FER1L6: variants seen among roughly 807,000 people sequenced by gnomAD.
FER1L6 encodes the protein fer-1 like family member 6, also known as fer-1-like protein 6.
A neutral mutation model predicts 219.2 loss-of-function variants in FER1L6; 177 were observed. That is an observed-to-expected ratio of 0.81 (90% confidence interval 0.71 to 0.91). The LOEUF (loss-of-function observed/expected upper bound fraction) is 0.91. Among genes scored for constraint, FER1L6 ranks in the 40% least tolerant of loss-of-function variants. The pLI is 0.00. For synonymous variants in FER1L6, 768 were observed against 824.3 expected (o/e 0.93, Z 1.17); for missense variants, 2,153 against 2,259.9 (o/e 0.95, Z 0.96).
chr8:123,900,002 T>C (rs961261779), intron 1 of FER1L6, among the ~76,000 whole-genome samples: 5 of 152,156 alleles, frequency 3.3e-5, no homozygotes, highest in Admixed American at 1.3e-4. Flanking sequence ...TCCATATGAA[T>C]TTTAGAATTG....
At chr8:124,101,944 G>T (rs974521692) in intron 38 of FER1L6, among the ~76,000 whole-genome samples, 1 of 152,144 alleles carries the variant, frequency 6.6e-6, no homozygotes, top group East Asian at 1.9e-4. Context: ...CAGTTCGTAG[G>T]CAGATTCAAA....
chr8:123,899,520 G>A (rs1812821213), intron 1 of FER1L6, among the ~76,000 whole-genome samples: 1 of 152,070 alleles, frequency 6.6e-6, no homozygotes, highest in African/African-American at 2.4e-5. Context: ...AATTTATTAG[G>A]TCTCAGCTAT....
At chr8:124,035,171 G>C in intron 18 of FER1L6, 106 bp from the exon 19 acceptor site, 1 of 1,231,602 alleles carries the variant, frequency 8.1e-7, no homozygotes, top group Non-Finnish European at 1.1e-6. Flanking sequence ...ACTGCTCTCT[G>C]AACATACTTC....
chr8:123,872,299 C>T (rs1816936785), intron 1 of FER1L6, among the ~76,000 whole-genome samples: 1 of 152,118 alleles, frequency 6.6e-6, no homozygotes, highest in African/African-American at 2.4e-5. Flanking sequence ...GACAAGTATC[C>T]AAACTATATC....
In FER1L6 at chr8:123,876,470, C is replaced by T. The variant is rs1385211200; in HGVS notation, c.-8+24285C>T. On this transcript the variant is annotated intron_variant, in intron 1 of 40. Coordinates refer to ENST00000522917, the MANE Select transcript of FER1L6 (RefSeq NM_001039112.2). ...AGTAGCCGGAACTACAGGCATGTGC[C>T]ACCACACTTGGCTACATTTTTTTTG... 3.3e-5 allele frequency among the ~76,000 whole-genome samples: 5 copies of T among 150,998 alleles called. No individual in the cohort carries two copies. In the East Asian group the frequency reaches 9.7e-4, roughly 29 times the overall value.
intron 1 of FER1L6, among the ~76,000 whole-genome samples, chr8:123,903,125 G>A (rs992359386): frequency 2.0e-5 from 3 of 152,052 alleles, no homozygotes; most frequent in Non-Finnish European, 2.9e-5. Context: ...CAATTTTAAT[G>A]TTTAACCCAT....
Position 124,039,941 on chromosome 8 carries a change from G to C in FER1L6, c.2524G>C (p.Asp842His). 1 of 1,614,116 alleles carries C rather than the reference G, an allele frequency of 6.2e-7. No individual in the cohort carries two copies. Among genetic ancestry groups the C allele is most frequent in the South Asian group, 1.1e-5 (1 of 91,088 alleles). ...CCAAGCCCGGGGCCTCATCGCAGCT[G>C]ACAGCAATGGACTTTCAGACCCTTT... ...MYQARGLIAA[D>H]SNGLSDPFAK... Residue 842 changes from aspartate (D) to histidine (H), a missense_variant, in exon 20 of 41, where the codon GAC (aspartate) becomes CAC (histidine). Coordinates refer to ENST00000522917, the MANE Select transcript of FER1L6 (RefSeq NM_001039112.2).
At chr8:124,112,176 A>C (rs1323093254) in intron 39 of FER1L6, among the ~76,000 whole-genome samples, 1 of 151,516 alleles carries the variant, frequency 6.6e-6, no homozygotes, top group Admixed American at 6.6e-5. Context: ...CTCCGTGTGC[A>C]CTCTCCTCCC....
intron 26 of FER1L6, among the ~76,000 whole-genome samples, chr8:124,065,366 A>C (rs1467489161): frequency 7.2e-6 from 1 of 138,722 alleles, no homozygotes; most frequent in African/African-American, 2.7e-5. Flanking sequence ...ATGCTACTGC[A>C]TTCCAGTCTG....
At chr8:123,863,891 G>T (rs1244543241) in intron 1 of FER1L6, among the ~76,000 whole-genome samples, 3 of 151,104 alleles carry the variant, frequency 2.0e-5, no homozygotes, top group Non-Finnish European at 4.4e-5. Context: ...TGTGAGATGG[G>T]TTTCCTGAGT....
At chr8:123,864,076 C>T (rs1360575484) in intron 1 of FER1L6, among the ~76,000 whole-genome samples, 14 of 147,316 alleles carry the variant, frequency 9.5e-5, no homozygotes, top group African/African-American at 1.3e-4. Context: ...TTCCTAGTCT[C>T]GATGGTCTTT....
chr8:123,980,913 A>G, intron 11 of FER1L6, 102 bp downstream of exon 11: 1 of 1,022,542 alleles, frequency 9.8e-7, no homozygotes, highest in Non-Finnish European at 1.4e-6. Context: ...AATATGTCTT[A>G]TTCCCTCTGA....
intron 21 of FER1L6, among the ~76,000 whole-genome samples, chr8:124,048,940 G>T (rs1819857889): frequency 6.6e-6 from 1 of 152,056 alleles, no homozygotes; most frequent in South Asian, 2.1e-4. Flanking sequence ...AGTCTTCCCT[G>T]GATAATGATT....
chr8:123,858,275 C>T (rs1177785470), intron 1 of FER1L6, among the ~76,000 whole-genome samples: 1 of 152,188 alleles, frequency 6.6e-6, no homozygotes, highest in Non-Finnish European at 1.5e-5. Flanking sequence ...GTTCTTGGTG[C>T]TGTTTTTAGA....
intron 1 of FER1L6, among the ~76,000 whole-genome samples, chr8:123,893,449 A>T (rs1162717420): frequency 6.6e-6 from 1 of 152,206 alleles, no homozygotes; most frequent in East Asian, 1.9e-4. Flanking sequence ...CAGAGATTAG[A>T]GAACTTTTTG....
At chr8:123,932,716 G>A (rs1468869371) in intron 1 of FER1L6, among the ~76,000 whole-genome samples, 1 of 152,074 alleles carries the variant, frequency 6.6e-6, no homozygotes, top group East Asian at 1.9e-4. Context: ...AGCTTCTCTG[G>A]GCTTCTTTTC....
At chr8:123,993,943 T>A (rs7817844) in intron 12 of FER1L6, among the ~76,000 whole-genome samples, 8,207 of 152,258 alleles carry the variant, frequency 0.054, 535 homozygotes, top group African/African-American at 0.16. Flanking sequence ...AAATGCCGGT[T>A]GTAGTAGTAA....
At chr8:123,944,780 ACAGG>A (rs1378324775) in intron 1 of FER1L6, among the ~76,000 whole-genome samples, 3 of 152,046 alleles carry the variant, frequency 2.0e-5, no homozygotes, top group Non-Finnish European at 2.9e-5. Flanking sequence ...CCTTTCCCTC[ACAGG>A]GCTTCTGCTA....
chr8:124,054,048 T>A (rs1051553710), intron 22 of FER1L6, among the ~76,000 whole-genome samples: 2 of 152,178 alleles, frequency 1.3e-5, no homozygotes, highest in African/African-American at 4.8e-5. Flanking sequence ...CATGTCTTTA[T>A]CCACAGCCAG....
Sources: allele counts gnomAD v4.1 joint callset (sites outside exome capture counted in the v4.1 genomes callset), GRCh38; gene constraint gnomAD v4.1.1; transcripts MANE v1.5; gene names NCBI Gene and HGNC (gene_info 2026-07-23, HGNC 2026-07-21).